IMPA2: variants seen among roughly 807,000 people sequenced by gnomAD.
IMPA2 encodes the protein IMP 2.
A neutral mutation model predicts 35.1 loss-of-function variants in IMPA2; 32 were observed. The observed-to-expected ratio is 0.91, with a 90% CI of 0.69 to 1.23. The LOEUF is 1.23. Ranked by LOEUF, IMPA2 falls within the 50% of genes most tolerant of loss-of-function variation. The pLI is 0.00. For missense variants in IMPA2, 334 were observed against 387.6 expected, an observed-to-expected ratio of 0.86 and a Z score of 1.16; for synonymous variants, 135 against 160.6, an observed-to-expected ratio of 0.84 and a Z score of 1.20.
At chr18:11,992,113 A>T (rs1468266056) in intron 1 of IMPA2, among the ~76,000 whole-genome samples, 1 of 152,252 alleles carries the variant, frequency 6.6e-6, no homozygotes, top group Non-Finnish European at 1.5e-5. Context: ...CAGTGCTGGG[A>T]TTACAGGCAT....
rs950176894 is a variant in IMPA2, at chr18:12,000,466, C to A, written c.230+1279C>A. On this transcript the variant is annotated intron_variant, in intron 2 of 7. Coordinates refer to ENST00000269159, the MANE Select transcript of IMPA2 (RefSeq NM_014214.3). ...AGGTTATCTCAAGGTTACCAGCTCT[C>A]CCTCTGAATTTCTGTTTGCCAGTCG... Among the ~76,000 whole-genome samples the A allele has an allele frequency of 3.0e-4, 46 of 151,414 alleles. 1 individual carries two copies. Among genetic ancestry groups the A allele is most frequent in the Non-Finnish European group, 1.2e-4 (8 of 67,924 alleles).
At chr18:11,989,054 A>C (rs532432612) in intron 1 of IMPA2, among the ~76,000 whole-genome samples, 1 of 152,270 alleles carries the variant, frequency 6.6e-6, no homozygotes, top group South Asian at 2.1e-4. Flanking sequence ...TTTGCACCCA[A>C]GCTGACGGCA....
intron 1 of IMPA2, among the ~76,000 whole-genome samples, chr18:11,983,956 T>C (rs1486472718): frequency 6.6e-6 from 1 of 152,140 alleles, no homozygotes; most frequent in Non-Finnish European, 1.5e-5. Flanking sequence ...GTGAAGAGCA[T>C]GTTGGCAAAG....
At chr18:12,001,013 C>T (rs112053279) in intron 2 of IMPA2, among the ~76,000 whole-genome samples, 10,694 of 151,028 alleles carry the variant, frequency 0.071, 1,061 homozygotes, top group African/African-American at 0.22. Flanking sequence ...GGGCGGATCA[C>T]GAGTGAGGAG....
intron 1 of IMPA2, among the ~76,000 whole-genome samples, chr18:11,985,147 CAAAAA>C (rs60194371): frequency 0.11 from 8,952 of 80,624 alleles, 356 homozygotes; most frequent in East Asian, 0.33. Context: ...AACTCTGTCT[CAAAAA>C]AAAAAAAAAA....
chr18:12,008,453 C>T (rs2143802186), intron 2 of IMPA2: 1 of 495,494 alleles, frequency 2.0e-6, no homozygotes. Flanking sequence ...CAAGGCCTCA[C>T]CCTTAGTGAA....
chr18:12,004,487 T>G (rs1907199323), intron 2 of IMPA2, among the ~76,000 whole-genome samples: 1 of 152,096 alleles, frequency 6.6e-6, no homozygotes, highest in Admixed American at 6.6e-5. Flanking sequence ...TGTTCTTTTT[T>G]TCCCTAAATT....
chr18:11,996,095 C>G (rs1435517807), intron 1 of IMPA2, among the ~76,000 whole-genome samples: 3 of 152,128 alleles, frequency 2.0e-5, no homozygotes, highest in Admixed American at 1.3e-4. Context: ...AAAAACAAAA[C>G]CGACAGGAAG....
intron 1 of IMPA2, among the ~76,000 whole-genome samples, chr18:11,983,086 C>T (rs968342454): frequency 3.9e-5 from 6 of 152,128 alleles, no homozygotes; most frequent in Non-Finnish European, 8.8e-5. Flanking sequence ...CCTTCCTTCC[C>T]TTTGTAGTTT....
At chr18:12,024,642 C>T (rs1350292988) in intron 5 of IMPA2, among the ~76,000 whole-genome samples, 5 of 152,266 alleles carry the variant, frequency 3.3e-5, no homozygotes, top group South Asian at 4.2e-4. Context: ...ATTTTCCTGG[C>T]CAAAGTATCA....
chr18:12,011,411 T>C (rs1045161896), intron 3 of IMPA2, among the ~76,000 whole-genome samples: 4 of 152,214 alleles, frequency 2.6e-5, no homozygotes, highest in African/African-American at 9.6e-5. Context: ...TCCTGGGCAC[T>C]GGAACAAGCG....
chr18:12,016,860 CAGCA>C (rs1907592895), intron 5 of IMPA2, among the ~76,000 whole-genome samples: 1 of 152,180 alleles, frequency 6.6e-6, no homozygotes, highest in Non-Finnish European at 1.5e-5. Context: ...ATAAAGCACC[CAGCA>C]TAGTGCCTGG....
Position 11,999,111 on chromosome 18 carries a change from G to C in IMPA2, c.154G>C (p.Asp52His). 6.2e-7 allele frequency: 1 copy of C among 1,613,838 alleles called. No homozygotes were observed. The highest frequency in any genetic ancestry group is 1.1e-5 in the South Asian group (1 of 91,056). Residue 52 changes from aspartate (D) to histidine (H), a missense_variant, in exon 2 of 8, where the codon GAT becomes CAT. Physicochemically the swap from Asp to His is moderately conservative, Grantham distance 81. Transcript: ENST00000269159. ...TGTCTCAACAAAAACATCAGCTGCA[G>C]ATCTTGTGACAGAAACAGATCACCT... is the stretch of plus-strand genomic sequence containing the variant. ...KRVSTKTSAA[D>H]LVTETDHLVE...
At chr18:12,028,176 C>T (rs758764152) in intron 6 of IMPA2, 25 bp downstream of exon 6, 1 of 1,429,352 alleles carries the variant, frequency 7.0e-7, no homozygotes, top group African/African-American at 1.4e-5. Context: ...TCGGGGAACA[C>T]CCTGCAGCCC....
intron 1 of IMPA2, 65 bp from the exon 2 acceptor site, chr18:11,998,989 A>G: frequency 1.7e-6 from 2 of 1,176,618 alleles, no homozygotes; most frequent in Non-Finnish European, 2.3e-6. Context: ...GAAGGAGTGG[A>G]TAATTCCTTT....
At chr18:12,011,842 C>G (rs1360502845) in intron 3 of IMPA2, among the ~76,000 whole-genome samples, 2 of 152,232 alleles carry the variant, frequency 1.3e-5, no homozygotes, top group Admixed American at 6.5e-5. Context: ...TTGGGGAGGG[C>G]TCTGCTGTCC....
chr18:12,014,326 G>A lies in IMPA2; in HGVS notation c.443G>A (p.Arg148Gln), dbSNP rs12956274. 33,501 of 1,609,360 alleles carry A rather than the reference G, an allele frequency of 0.021. 450 individuals are homozygous for A. Among genetic ancestry groups the A allele is most frequent in the Non-Finnish European group, 0.025 (29,150 of 1,177,922 alleles). ...EERLYTGRRGRGAFCNGQRLR... is the reference protein window; with the variant it reads ...EERLYTGRRGQGAFCNGQRLR... ...CGGCTGTACACGGGCCGGCGGGGTC[G>A]GGGCGCCTTCTGCAATGGCCAGCGG... The change falls in exon 5 of 8, where the codon CGG (arginine) becomes CAG (glutamine). Residue 148 changes from arginine to glutamine, a missense_variant. Coordinates refer to ENST00000269159, the MANE Select transcript of IMPA2 (RefSeq NM_014214.3).
At chr18:12,005,092 G>A (rs2143797147) in intron 2 of IMPA2, among the ~76,000 whole-genome samples, 1 of 152,308 alleles carries the variant, frequency 6.6e-6, no homozygotes, top group Middle Eastern at 3.4e-3. Flanking sequence ...GCCTCTGCTG[G>A]CCTTCACACC....
At chr18:11,989,275 C>T (rs1469737434) in intron 1 of IMPA2, among the ~76,000 whole-genome samples, 3 of 152,174 alleles carry the variant, frequency 2.0e-5, no homozygotes, top group African/African-American at 7.2e-5. Flanking sequence ...CCTGCTCTTC[C>T]TGCCTGGGCT....
Sources: allele counts gnomAD v4.1 joint callset (sites outside exome capture counted in the v4.1 genomes callset), GRCh38; gene constraint gnomAD v4.1.1; transcripts MANE v1.5; gene names NCBI Gene and HGNC (gene_info 2026-07-23, HGNC 2026-07-21).